The following EPS15L1 variants were observed in gnomAD, a reference collection of about 807,000 sequenced individuals.
EPS15L1 encodes epidermal growth factor receptor pathway substrate 15 like 1.
A neutral mutation model predicts 117.1 loss-of-function variants in EPS15L1; 43 were observed. That is an observed-to-expected ratio of 0.37 (90% CI 0.29 to 0.47). EPS15L1 has a LOEUF of 0.47. Among genes scored for constraint, EPS15L1 ranks in the 20% least tolerant of loss-of-function variants. EPS15L1 has a pLI of 0.99. For missense variants in EPS15L1, 981 were observed against 1,164.0 expected (o/e 0.84, Z 2.29); for synonymous variants, 459 against 470.5 (o/e 0.98, Z 0.32).
intron 15 of EPS15L1, among the ~76,000 whole-genome samples, chr19:16,403,148 C>T (rs752736035): frequency 2.6e-5 from 4 of 152,160 alleles, no homozygotes; most frequent in Non-Finnish European, 5.9e-5. Context: ...AGACTGGATG[C>T]CCAGGGCCAG....
intron 9 of EPS15L1, among the ~76,000 whole-genome samples, chr19:16,424,357 T>C (rs1195697051): frequency 7.0e-6 from 1 of 142,652 alleles, no homozygotes; most frequent in Non-Finnish European, 1.5e-5. Context: ...ACTGGTAAAA[T>C]CGGTCTAGTC....
intron 22 of EPS15L1, among the ~76,000 whole-genome samples, chr19:16,366,477 C>T (rs1166546074): frequency 2.0e-5 from 3 of 152,090 alleles, no homozygotes; most frequent in Non-Finnish European, 4.4e-5. Context: ...GTTTCTGATG[C>T]GCAAAGAGAT....
chr19:16,384,600 C>T (rs538226891), intron 21 of EPS15L1, among the ~76,000 whole-genome samples: 11 of 152,324 alleles, frequency 7.2e-5, no homozygotes, highest in Admixed American at 6.5e-4. Context: ...CGGACACCAA[C>T]GGGTCCAGTC....
chr19:16,408,856 G>C (rs1238750288), intron 13 of EPS15L1, among the ~76,000 whole-genome samples: 1 of 152,112 alleles, frequency 6.6e-6, no homozygotes, highest in East Asian at 1.9e-4. Context: ...AAAAATAAAT[G>C]CACAGCTATA....
rs1798758982 is a variant in EPS15L1 at position 16,365,251 on chromosome 19, G to A, written c.2381-3267C>T. 6.6e-6 allele frequency among the ~76,000 whole-genome samples: 1 copy of A among 152,218 alleles called. No homozygotes were observed. Among genetic ancestry groups the A allele is most frequent in the Admixed American group, 6.5e-5 (1 of 15,282 alleles). ...TGTTTCTTAATCCAAACAAAGGGCT[G>A]TGTCCCCCCAACAATTGTTCATACG... On this transcript the variant is annotated intron_variant, in intron 22 of 23. Transcript: ENST00000455140. The surrounding 1 kb of genome is among the most constrained non-coding windows in gnomAD (Gnocchi z 4.9).
intron 23 of EPS15L1, 47 bp downstream of exon 23, chr19:16,361,732 C>A: frequency 6.4e-7 from 1 of 1,555,932 alleles, no homozygotes; most frequent in Non-Finnish European, 8.7e-7. Flanking sequence ...AGGGAAGCTG[C>A]AAGCGGAAGG....
intron 22 of EPS15L1, among the ~76,000 whole-genome samples, chr19:16,367,753 C>CAAAA (rs60689307): frequency 5.9e-5 from 3 of 50,730 alleles, no homozygotes; most frequent in Non-Finnish European, 8.1e-5. Context: ...GGGTGCAAAG[C>CAAAA]AAAAAAAAAA....
In EPS15L1 at chr19:16,381,730, G is replaced by T. The variant is rs576275209; in HGVS notation, c.2247+3399C>A. Among the ~76,000 whole-genome samples the T allele has an allele frequency of 1.5e-4, 23 of 152,328 alleles. No homozygotes were observed. The highest frequency in any genetic ancestry group is 5.5e-4 in the African/African-American group (23 of 41,564). On this transcript the variant is annotated intron_variant, in intron 21 of 23. Transcript: ENST00000455140. The surrounding 1 kb of genome is among the most constrained non-coding windows in gnomAD (Gnocchi z 4.2). Reference sequence around the variant, plus strand: ...CTGCAGCTTAGCTTTAAAATGGGCCGTTTAGGGTCGGCTGTTTGGGAAAGA... The same window carrying T: ...CTGCAGCTTAGCTTTAAAATGGGCCTTTTAGGGTCGGCTGTTTGGGAAAGA...
intron 18 of EPS15L1, 51 bp from the exon 19 acceptor site, chr19:16,392,491 C>G: frequency 2.6e-6 from 4 of 1,541,730 alleles, no homozygotes; most frequent in Non-Finnish European, 3.6e-6. Context: ...TGAAAGAACC[C>G]AGACATAAAA....
chr19:16,407,387 C>A (rs570071256), intron 13 of EPS15L1, among the ~76,000 whole-genome samples: 13 of 152,310 alleles, frequency 8.5e-5, no homozygotes, highest in African/African-American at 3.1e-4. Context: ...CTCACTGCAA[C>A]CTCTGCCTCC....
At chr19:16,449,431 T>C (rs2145119223) in intron 1 of EPS15L1, among the ~76,000 whole-genome samples, 1 of 152,308 alleles carries the variant, frequency 6.6e-6, no homozygotes, top group South Asian at 2.1e-4. Flanking sequence ...CACAGTGAGA[T>C]GCCACTGCAC....
chr19:16,393,627 C>T (rs1174714924), intron 18 of EPS15L1, among the ~76,000 whole-genome samples: 3 of 141,972 alleles, frequency 2.1e-5, no homozygotes, highest in South Asian at 2.2e-4. Context: ...CCAGCCTGGG[C>T]GACAGAGCGA....
chr19:16,379,972 G>A (rs952534207), intron 21 of EPS15L1, among the ~76,000 whole-genome samples: 1 of 147,300 alleles, frequency 6.8e-6, no homozygotes, highest in Non-Finnish European at 1.5e-5. Flanking sequence ...GCGGCTGTCT[G>A]AGGCTCTAGC....
At chr19:16,470,311 C>T (rs956196473) in intron 1 of EPS15L1, among the ~76,000 whole-genome samples, 1 of 151,760 alleles carries the variant, frequency 6.6e-6, no homozygotes, top group African/African-American at 2.4e-5. Context: ...CACTTGAACT[C>T]GGGAGGCGGA....
Position 16,383,912 on chromosome 19 carries a change from G to T in EPS15L1, c.2247+1217C>A, listed in dbSNP as rs1172966791. On this transcript the variant is annotated intron_variant, in intron 21 of 23. Coordinates refer to ENST00000455140, the MANE Select transcript of EPS15L1 (RefSeq NM_001258374.3). The surrounding 1 kb of genome is among the most constrained non-coding windows in gnomAD (Gnocchi z 5.2). Reference sequence around the variant, plus strand: ...ATGGGGCCGGTGGGGCCCCGAGGGGGCCTCATGCCTGGGGCACGCGTCTTC... The same window carrying T: ...ATGGGGCCGGTGGGGCCCCGAGGGGTCCTCATGCCTGGGGCACGCGTCTTC... 1 of 152,404 alleles carries T rather than the reference G, an allele frequency of 6.6e-6. No individual in the cohort carries two copies. Among genetic ancestry groups the T allele is most frequent in the African/African-American group, 2.4e-5 (1 of 41,462 alleles). 9.4% of individuals were successfully genotyped at this position (152,404 alleles called of 1,614,324 possible).
At chr19:16,413,056 G>A (rs562659139) in intron 13 of EPS15L1, 185 of 726,148 alleles carry the variant, frequency 2.5e-4, no homozygotes, top group Non-Finnish European at 4.1e-4. Flanking sequence ...GCCGGCCAGT[G>A]CACCAGGTTC....
intron 7 of EPS15L1, 30 bp downstream of exon 7, chr19:16,434,335 G>A (rs1034466803): frequency 3.1e-6 from 5 of 1,609,946 alleles, no homozygotes; most frequent in Non-Finnish European, 4.2e-6. Flanking sequence ...GACACTGAGT[G>A]CAGAAGAACC....
At chr19:16,394,378 G>A (rs1373797827) in intron 17 of EPS15L1, among the ~76,000 whole-genome samples, 1 of 129,336 alleles carries the variant, frequency 7.7e-6, no homozygotes, top group East Asian at 2.0e-4. Flanking sequence ...ACCCTGGGCT[G>A]TCCCTCACTT....
rs540612368 is a variant in EPS15L1, at chr19:16,417,617, G to A, written c.1128C>T (p.Gly376=). The A allele has an allele frequency of 6.2e-6, 10 of 1,614,134 alleles. No individual in the cohort carries two copies. The East Asian group carries it at 2.2e-4, about 36-fold the overall frequency. The change falls in exon 12 of 24, where the codon GGC becomes GGT. Residue 376 remains glycine, a synonymous_variant. Transcript: ENST00000455140. The part of the protein sequence containing the change: ...TPGPDSSGSL[G]SGEFTGVKEL... ...CCTTCACGCCAGTAAACTCCCCGGA[G>A]CCGAGAGAGCCTGAACTGTCCTAGA... is the stretch of plus-strand genomic sequence containing the variant.
Sources: gnomAD v4.1 joint callset for allele counts (sites outside exome capture counted in the v4.1 genomes callset) on GRCh38, gnomAD v4.1.1 for gene constraint, Gnocchi (gnomAD v3.1) non-coding constraint, MANE v1.5 for transcripts, NCBI Gene and HGNC (gene_info 2026-07-23, HGNC 2026-07-21) for gene names.